FBXL17: variants seen among roughly 807,000 people sequenced by gnomAD.
FBXL17 encodes F-box/LRR-repeat protein 17.
Under a neutral mutation model 66.2 loss-of-function variants are expected in FBXL17, and 22 were observed. That is an observed-to-expected ratio of 0.33 (90% CI 0.24 to 0.47). The LOEUF is 0.47. Ranked by LOEUF, FBXL17 falls within the 20% of genes least tolerant of loss-of-function variation. FBXL17 has a pLI of 1.00. For synonymous variants in FBXL17, 474 were observed against 400.5 expected, an observed-to-expected ratio of 1.18 and a Z score of -2.19; for missense variants, 878 against 948.2, an observed-to-expected ratio of 0.93 and a Z score of 0.97.
chr5:107,923,846 C>T (rs1750405586), intron 7 of FBXL17, among the ~76,000 whole-genome samples: 2 of 152,046 alleles, frequency 1.3e-5, no homozygotes, highest in South Asian at 4.1e-4. Context: ...ACAAGCCAGA[C>T]AATTCTTTTC....
chr5:108,144,768 A>G (rs1222912437), intron 6 of FBXL17, among the ~76,000 whole-genome samples: 4 of 152,206 alleles, frequency 2.6e-5, no homozygotes, highest in Admixed American at 6.5e-5. Flanking sequence ...AAATTAAATC[A>G]TAATAGGAAT....
In FBXL17 at chr5:108,250,237, T is replaced by G. The variant is rs79749293; in HGVS notation, c.1507-26009A>C. 3.7e-3 allele frequency among the ~76,000 whole-genome samples: 558 copies of G among 152,246 alleles called. 4 individuals are homozygous for G. The highest frequency in any genetic ancestry group is 0.013 in the African/African-American group (538 of 41,570). ...TTTTCATGTGAATGGGGCCAACGTC[T>G]CTTGGCATGCTTGTCATCACAATAT... On this transcript the variant is annotated intron_variant, in intron 4 of 8. Coordinates refer to ENST00000542267, the MANE Select transcript of FBXL17 (RefSeq NM_001163315.3).
intron 7 of FBXL17, among the ~76,000 whole-genome samples, chr5:108,010,463 A>T (rs1263461779): frequency 6.6e-6 from 1 of 152,076 alleles, no homozygotes; most frequent in Non-Finnish European, 1.5e-5. Flanking sequence ...ACCTGTGTGG[A>T]GGGGCTGACT....
chr5:108,060,735 C>T (rs1321549270), intron 6 of FBXL17, among the ~76,000 whole-genome samples: 1 of 152,114 alleles, frequency 6.6e-6, no homozygotes, highest in Non-Finnish European at 1.5e-5. Flanking sequence ...CTCCCACACA[C>T]AATCCTATGG....
At chr5:108,230,020 T>C (rs929997997) in intron 4 of FBXL17, among the ~76,000 whole-genome samples, 1 of 152,180 alleles carries the variant, frequency 6.6e-6, no homozygotes, top group Admixed American at 6.6e-5. Context: ...CACAACGTGA[T>C]ACCACCTTAG....
At chr5:108,380,551 A>G (rs1749774137) in intron 1 of FBXL17, 148 bp downstream of exon 1, 1 of 431,946 alleles carries the variant, frequency 2.3e-6, no homozygotes, top group South Asian at 1.3e-4. Context: ...CAGAGGCCCC[A>G]CTGGCTTCCC....
At chr5:108,319,171 A>G (rs1278821378) in intron 4 of FBXL17, among the ~76,000 whole-genome samples, 1 of 151,906 alleles carries the variant, frequency 6.6e-6, no homozygotes, top group Non-Finnish European at 1.5e-5. Flanking sequence ...TAGTGTTAAA[A>G]TTATAGAAGA....
intron 7 of FBXL17, among the ~76,000 whole-genome samples, chr5:107,958,139 GAA>G (rs35443814): frequency 7.3e-6 from 1 of 137,756 alleles, no homozygotes. Context: ...GGAGTAGCTT[GAA>G]AAAAAAAAAA....
chr5:108,068,160 T>TA (rs539662033), intron 6 of FBXL17, among the ~76,000 whole-genome samples: 12 of 152,174 alleles, frequency 7.9e-5, no homozygotes, highest in African/African-American at 2.7e-4. Context: ...ATTCTTTACT[T>TA]AAAAAAACTT....
At chr5:107,982,913 C>A (rs141233667) in intron 7 of FBXL17, among the ~76,000 whole-genome samples, 2 of 152,218 alleles carry the variant, frequency 1.3e-5, no homozygotes, top group East Asian at 3.9e-4. Context: ...CCCACTGCTA[C>A]GTTTGGCCAT....
intron 6 of FBXL17, among the ~76,000 whole-genome samples, chr5:108,080,631 CA>C (rs1272316363): frequency 2.0e-5 from 3 of 152,062 alleles, no homozygotes; most frequent in Non-Finnish European, 4.4e-5. Flanking sequence ...TACAGGCAGA[CA>C]TCAATCAATA....
At chr5:108,280,402 A>T (rs1301784899) in intron 4 of FBXL17, among the ~76,000 whole-genome samples, 1 of 152,124 alleles carries the variant, frequency 6.6e-6, no homozygotes. Context: ...CAAACAAGCA[A>T]ATATTGAGGG....
intron 6 of FBXL17, among the ~76,000 whole-genome samples, chr5:108,184,720 C>A (rs1032473364): frequency 7.4e-6 from 1 of 135,980 alleles, no homozygotes; most frequent in African/African-American, 2.8e-5. Flanking sequence ...TGCACTCCAG[C>A]CCGGGTGCCA....
intron 7 of FBXL17, among the ~76,000 whole-genome samples, chr5:107,992,953 T>C (rs1403571449): frequency 1.3e-5 from 2 of 152,076 alleles, no homozygotes; most frequent in Admixed American, 1.3e-4. Flanking sequence ...TGGAGTGCAG[T>C]GGCGCGATCT....
In FBXL17 at chr5:107,861,390, C is replaced by T. The variant is rs962452404; in HGVS notation, c.*330G>A. 4 of 163,028 alleles carry T rather than the reference C, an allele frequency of 2.5e-5. No individual in the cohort carries two copies. Among genetic ancestry groups the T allele is most frequent in the African/African-American group, 9.5e-5 (4 of 41,972 alleles). The allele number at this position is 163,028 out of a possible 1,614,324, so 10.1% of individuals were successfully genotyped here. A position where few individuals can be genotyped will look rare whatever the true frequency, so the allele number is the denominator to read the frequency against. The stretch of plus-strand genomic sequence containing the variant: ...TTCTTACTTGGACATCTCCAAGTGG[C>T]AGCAATTAGAAGCTCAAAATAATAC... On this transcript the variant is annotated 3_prime_UTR_variant, in exon 9 of 9. Coordinates refer to ENST00000542267, the MANE Select transcript of FBXL17 (RefSeq NM_001163315.3).
At chr5:107,866,707 T>G (rs1748287238) in intron 8 of FBXL17, among the ~76,000 whole-genome samples, 1 of 152,194 alleles carries the variant, frequency 6.6e-6, no homozygotes, top group African/African-American at 2.4e-5. Flanking sequence ...AAGAAGCCAT[T>G]TACATTAAAT....
At chr5:108,342,587 A>G (rs536436353) in intron 4 of FBXL17, among the ~76,000 whole-genome samples, 1 of 152,312 alleles carries the variant, frequency 6.6e-6, no homozygotes, top group African/African-American at 2.4e-5. Flanking sequence ...TTAGCATTAC[A>G]GGTAATGTAT....
intron 7 of FBXL17, among the ~76,000 whole-genome samples, chr5:108,003,851 G>A (rs1451387008): frequency 6.6e-6 from 1 of 151,864 alleles, no homozygotes; most frequent in Non-Finnish European, 1.5e-5. Flanking sequence ...AGCATGAGAA[G>A]GTCTAATATA....
In FBXL17 at chr5:108,232,265, T is replaced by C. The variant is rs1418558958; in HGVS notation, c.1507-8037A>G. On this transcript the variant is annotated intron_variant, in intron 4 of 8. Coordinates refer to ENST00000542267, the MANE Select transcript of FBXL17 (RefSeq NM_001163315.3). ...TAACTTTATGTAATGGTATTTGGGT[T>C]GGGGATTGGTGTGTTTCCAGTTGTA... Among the ~76,000 whole-genome samples, 4 of 152,312 alleles carry C rather than the reference T, an allele frequency of 2.6e-5. No individual in the cohort carries two copies. The East Asian group carries it at 7.7e-4, about 29-fold the overall frequency.
Sources: allele counts gnomAD v4.1 joint callset (sites outside exome capture counted in the v4.1 genomes callset), GRCh38; gene constraint gnomAD v4.1.1; transcripts MANE v1.5; gene names NCBI Gene and HGNC (gene_info 2026-07-23, HGNC 2026-07-21).